The following PTCD2 variants were observed in gnomAD, a reference collection of about 807,000 sequenced individuals.
The protein encoded by PTCD2 is pentatricopeptide repeat domain 2.
PTCD2 carries 31 observed loss-of-function variants against 42.6 expected under a neutral mutation model. That is an observed-to-expected ratio of 0.73 (90% CI 0.55 to 0.98). The LOEUF is 0.98. Ranked by LOEUF, PTCD2 falls within the 50% of genes least tolerant of loss-of-function variation. The pLI is 0.00. For missense variants in PTCD2, 476 were observed against 454.8 expected (o/e 1.05, Z -0.42); for synonymous variants, 183 against 170.9 (o/e 1.07, Z -0.55).
chr5:72,328,243 T>A (rs1165147884), intron 3 of PTCD2, among the ~76,000 whole-genome samples: 1 of 152,216 alleles, frequency 6.6e-6, no homozygotes, highest in African/African-American at 2.4e-5. Context: ...AGCCACTCAC[T>A]CATCTGCAGT....
chr5:72,321,065 A>G (rs1226263188), intron 1 of PTCD2: 2 of 154,624 alleles, frequency 1.3e-5, no homozygotes, highest in African/African-American at 2.4e-5. Flanking sequence ...CGGCCTCCCA[A>G]AGTGCTGGGA....
Position 72,338,709 on chromosome 5 carries a change from T to G in PTCD2, c.727T>G (p.Phe243Val), listed in dbSNP as rs1451106457. The G allele has an allele frequency of 1.9e-6, 3 of 1,610,636 alleles. No homozygotes were observed. The African/African-American group carries it at 4.0e-5, about 22-fold the overall frequency. Residue 243 changes from phenylalanine (F) to valine (V), a missense_variant, in exon 7 of 10, where the codon TTC (phenylalanine) becomes GTC (valine). Physicochemically the swap from Phe to Val is conservative, Grantham distance 50. Coordinates refer to ENST00000380639, the MANE Select transcript of PTCD2 (RefSeq NM_024754.5). ...GEILSRRASC[F>V]AVALALNQNE... ...AATTCTCTCCAGGAGAGCATCCTGT[T>G]TCGCTGTGGCATTAGCTCTGAATCA...
Position 72,351,331 on chromosome 5 carries a change from C to T in PTCD2, c.829-1310C>T, listed in dbSNP as rs145260695. On this transcript the variant is annotated intron_variant, in intron 8 of 9. Transcript: ENST00000380639. ...CATTCCGAAAGCACACTACAGTACC[C>T]AGTTTTGAAAGTTCATTAATAGATA... Among the ~76,000 whole-genome samples the T allele has an allele frequency of 7.1e-3, 1,074 of 152,238 alleles. 6 individuals carry two copies. Among genetic ancestry groups the T allele is most frequent in the South Asian group, 0.013 (65 of 4,826 alleles).
chr5:72,339,800 A>G (rs535796680), intron 7 of PTCD2, among the ~76,000 whole-genome samples: 24 of 152,140 alleles, frequency 1.6e-4, no homozygotes, highest in Non-Finnish European at 3.1e-4. Context: ...CTTTAGCATT[A>G]TAAAGTGCCT....
intron 8 of PTCD2, among the ~76,000 whole-genome samples, chr5:72,343,436 C>T (rs1233092375): frequency 6.6e-6 from 1 of 152,208 alleles, no homozygotes; most frequent in African/African-American, 2.4e-5. Flanking sequence ...TAGTACCTAA[C>T]TCATGGCATT....
Position 72,364,037 on chromosome 5 carries a change from A to G in PTCD2, c.*5610A>G, listed in dbSNP as rs964134674. ...ACCAAATCATGGTAAAATTGATTCT[A>G]AGGAAATGGTTGCACAAAAATAAAA... On this transcript the variant is annotated 3_prime_UTR_variant, in exon 10 of 10. Coordinates refer to ENST00000380639, the MANE Select transcript of PTCD2 (RefSeq NM_024754.5). 6.6e-6 allele frequency: 1 copy of G among 152,214 alleles called. No homozygotes were observed. The highest frequency in any genetic ancestry group is 1.5e-5 in the Non-Finnish European group (1 of 68,030). 9.4% of individuals were successfully genotyped at this position (152,214 alleles called of 1,614,324 possible). A position where few individuals can be genotyped will look rare whatever the true frequency, so the allele number is the denominator to read the frequency against.
At chr5:72,357,743 T>C (rs558379778) in intron 9 of PTCD2, among the ~76,000 whole-genome samples, 13 of 152,158 alleles carry the variant, frequency 8.5e-5, no homozygotes, top group Non-Finnish European at 1.9e-4. Flanking sequence ...GATTTTCAAG[T>C]ACTAATTTTG....
Position 72,365,321 on chromosome 5 carries a change from T to A in PTCD2, c.*6894T>A, listed in dbSNP as rs1753175211. 6.6e-6 allele frequency: 1 copy of A among 152,246 alleles called. No individual in the cohort carries two copies. Among genetic ancestry groups the A allele is most frequent in the African/African-American group, 2.4e-5 (1 of 41,450 alleles). 9.4% of individuals were successfully genotyped at this position (152,246 alleles called of 1,614,324 possible). On this transcript the variant is annotated 3_prime_UTR_variant, in exon 10 of 10. Transcript: ENST00000380639. ...TGATGCTTTCTTTGTAAATCCCTTG[T>A]CTTCCCTGATTCCTTTTTCCTGACT...
chr5:72,324,004 C>CTAA (rs1395440056), intron 2 of PTCD2, among the ~76,000 whole-genome samples: 1 of 152,100 alleles, frequency 6.6e-6, no homozygotes, highest in Non-Finnish European at 1.5e-5. Flanking sequence ...CGCTGCTCCG[C>CTAA]TAATCATACT....
At chr5:72,354,230 G>A (rs1429783090) in intron 9 of PTCD2, among the ~76,000 whole-genome samples, 2 of 151,576 alleles carry the variant, frequency 1.3e-5, no homozygotes, top group African/African-American at 4.8e-5. Context: ...ATGTAACCCC[G>A]TATCTACTAA....
At chr5:72,349,825 T>C (rs1752532762) in intron 8 of PTCD2, among the ~76,000 whole-genome samples, 2 of 152,252 alleles carry the variant, frequency 1.3e-5, no homozygotes, top group Non-Finnish European at 2.9e-5. Context: ...TCTTTGCCTT[T>C]TATCGGTGAC....
chr5:72,331,261 C>G lies in PTCD2; in HGVS notation c.354C>G (p.Tyr118Ter). The G allele has an allele frequency of 6.2e-7, 1 of 1,600,030 alleles. No individual in the cohort carries two copies. The highest frequency in any genetic ancestry group is 1.3e-5 in the African/African-American group (1 of 74,726). The change falls in exon 4 of 10, where the codon TAC (tyrosine) becomes TAG (stop). Residue 118 changes from tyrosine (Y) to a stop codon, truncating the protein, a stop_gained. Transcript: ENST00000380639. LOFTEE classifies it high-confidence loss of function. ...ATTGAATCATTTTCATTACCAGGTA[C>G]CATGCAGAGAACAAAAATTTCACTT... ...VELAKNVIYRYHAENKNFTLG... is the reference protein window; with the variant it reads ...VELAKNVIYR
intron 7 of PTCD2, among the ~76,000 whole-genome samples, chr5:72,339,252 G>A (rs1449247033): frequency 6.6e-6 from 1 of 152,232 alleles, no homozygotes; most frequent in Non-Finnish European, 1.5e-5. Context: ...CTGAGGTCAT[G>A]CCTCAGTGAT....
intron 4 of PTCD2, 132 bp downstream of exon 4, chr5:72,331,507 C>T (rs1199559428): frequency 1.4e-6 from 1 of 710,594 alleles, no homozygotes; most frequent in Non-Finnish European, 2.5e-6. Context: ...ATGAGCACAT[C>T]TCTGCATTTT....
intron 7 of PTCD2, among the ~76,000 whole-genome samples, chr5:72,339,285 C>G (rs1270809077): frequency 1.3e-5 from 2 of 152,210 alleles, no homozygotes; most frequent in Admixed American, 6.5e-5. Flanking sequence ...AGCTGAAACC[C>G]TGGAACACCA....
In PTCD2 at chr5:72,342,955, C is replaced by T. The variant is rs747380628; in HGVS notation, c.754-7C>T. On this transcript the variant is annotated splice_polypyrimidine_tract_variant and splice_region_variant and intron_variant, in intron 7 of 9. Transcript: ENST00000380639. ...TATGGAATATGATTTGTTTCTCTTC[C>T]TTCTAGAATGAGATGGCAAAAGCTG... is the stretch of plus-strand genomic sequence containing the variant. 5.1e-6 allele frequency: 8 copies of T among 1,568,862 alleles called. No individual in the cohort carries two copies. In the African/African-American group the frequency reaches 8.1e-5, roughly 16 times the overall value.
At chr5:72,326,164 C>T (rs1751126120) in intron 2 of PTCD2, among the ~76,000 whole-genome samples, 1 of 152,238 alleles carries the variant, frequency 6.6e-6, no homozygotes, top group Non-Finnish European at 1.5e-5. Context: ...CTTCAACTCA[C>T]ATTTTCTTTT....
intron 7 of PTCD2, among the ~76,000 whole-genome samples, chr5:72,341,260 T>G (rs1023027623): frequency 4.6e-4 from 70 of 152,060 alleles, no homozygotes; most frequent in Non-Finnish European, 9.1e-4. Context: ...GCCAGGCTGG[T>G]CTTGAACTCC....
chr5:72,352,436 T>C (rs887443925), intron 8 of PTCD2, among the ~76,000 whole-genome samples: 3 of 152,142 alleles, frequency 2.0e-5, no homozygotes, highest in Non-Finnish European at 4.4e-5. Flanking sequence ...AAAGTTGTAG[T>C]TTTTGATTAA....
Sources: allele counts gnomAD v4.1 joint callset (sites outside exome capture counted in the v4.1 genomes callset), GRCh38; gene constraint gnomAD v4.1.1; transcripts MANE v1.5; gene names NCBI Gene and HGNC (gene_info 2026-07-23, HGNC 2026-07-21).